MANBA: variants seen among roughly 807,000 people sequenced by gnomAD.
MANBA encodes mannosidase beta.
Under a neutral mutation model 111.1 loss-of-function variants are expected in MANBA, and 83 were observed. The observed-to-expected ratio is 0.75, with a 90% CI of 0.63 to 0.90. The LOEUF (loss-of-function observed/expected upper bound fraction) is 0.90, where lower values mean the gene tolerates loss of function less well. Ranked by LOEUF, MANBA falls within the 40% of genes least tolerant of loss-of-function variation. The probability of loss-of-function intolerance (pLI) is 0.00; values close to 1 mark genes in which losing one functional copy is unlikely to be tolerated. For synonymous variants in MANBA, 370 were observed against 378.7 expected, an observed-to-expected ratio of 0.98 and a Z score of 0.27; for missense variants, 1,036 against 1,069.0, an observed-to-expected ratio of 0.97 and a Z score of 0.43.
chr4:102,751,395 C>T, intron 1 of MANBA: 1 of 437,930 alleles, frequency 2.3e-6, no homozygotes, highest in South Asian at 1.7e-5. Flanking sequence ...GTGTGTACTC[C>T]TTGCCTTGGC....
At position 102,632,238 on chromosome 4, in the gene MANBA, T is replaced by C; in HGVS notation, c.2459A>G (p.Glu820Gly). 1 of 1,613,686 alleles carries C rather than the reference T, an allele frequency of 6.2e-7. No individual in the cohort carries two copies. Among genetic ancestry groups the C allele is most frequent in the Non-Finnish European group, 8.5e-7 (1 of 1,179,766 alleles). Residue 820 changes from glutamate (E) to glycine (G), a missense_variant, in exon 17 of 17, where the codon GAG becomes GGG. Transcript: ENST00000647097. ...AACAAAGGGAGCGACAGCTGAGGTCTCCAGGTCAAAAACAAATATGTCACC... is the reference window on the plus strand; with the variant it reads ...AACAAAGGGAGCGACAGCTGAGGTCCCCAGGTCAAAAACAAATATGTCACC... ...QQGDIFVFDL[E>G]TSAVAPFVWL...
chr4:102,682,741 G>A (rs1289048325), intron 7 of MANBA: 1 of 152,202 alleles, frequency 6.6e-6, no homozygotes, highest in African/African-American at 2.4e-5. Flanking sequence ...GGTGGAGACA[G>A]AGATCAGAGT....
At chr4:102,733,986 T>A (rs1461517618) in intron 1 of MANBA, among the ~76,000 whole-genome samples, 2 of 152,246 alleles carry the variant, frequency 1.3e-5, no homozygotes, top group Non-Finnish European at 2.9e-5. Context: ...GCACAGAGAA[T>A]GTTTATGGCA....
intron 12 of MANBA, among the ~76,000 whole-genome samples, chr4:102,653,795 T>C (rs1730442969): frequency 6.6e-6 from 1 of 152,190 alleles, no homozygotes; most frequent in African/African-American, 2.4e-5. Flanking sequence ...GAAATTATTA[T>C]AGATTTAAGG....
chr4:102,714,914 G>A (rs1387883659), intron 4 of MANBA, among the ~76,000 whole-genome samples: 1 of 152,152 alleles, frequency 6.6e-6, no homozygotes, highest in Admixed American at 6.5e-5. Flanking sequence ...CACACTAACT[G>A]CCTCATTTTA....
At chr4:102,639,361 T>A (rs1184061444) in intron 14 of MANBA, among the ~76,000 whole-genome samples, 1 of 152,210 alleles carries the variant, frequency 6.6e-6, no homozygotes, top group Admixed American at 6.5e-5. Context: ...GAAGGGATGC[T>A]TAAGTTCATG....
intron 1 of MANBA, among the ~76,000 whole-genome samples, chr4:102,737,578 G>A (rs1239880045): frequency 2.0e-5 from 3 of 152,098 alleles, no homozygotes; most frequent in Non-Finnish European, 4.4e-5. Context: ...CGCCTCCCGG[G>A]TTCACACCAT....
chr4:102,744,627 A>C (rs1365625861), intron 1 of MANBA, among the ~76,000 whole-genome samples: 3 of 152,226 alleles, frequency 2.0e-5, no homozygotes, highest in African/African-American at 7.2e-5. Flanking sequence ...TTGCTCAAGC[A>C]ATGAAACCAC....
chr4:102,734,627 C>T (rs893927512), intron 1 of MANBA: 39 of 1,574,486 alleles, frequency 2.5e-5, no homozygotes, highest in African/African-American at 8.1e-5. Context: ...AGAGGAGGCC[C>T]GAGGAGCCAG....
At chr4:102,741,657 G>A (rs1215181136) in intron 1 of MANBA, among the ~76,000 whole-genome samples, 1 of 152,214 alleles carries the variant, frequency 6.6e-6, no homozygotes, top group Middle Eastern at 3.2e-3. Context: ...ACTATTCTAA[G>A]TGAAGTAACT....
Position 102,671,360 on chromosome 4 carries a change from A to G in MANBA, c.1151T>C (p.Met384Thr). ...LLLQSVVDAN[M>T]NTLRVWGGGI... is the part of the protein sequence containing the mutation. ...TCCTCCCCAAACCCGAAGAGTATTC[A>G]TATTAGCATCCACAACAGACTGTAA... The change falls in exon 9 of 17, where the codon ATG becomes ACG. Residue 384 changes from methionine (M) to threonine (T), a missense_variant. Coordinates refer to ENST00000647097, the MANE Select transcript of MANBA (RefSeq NM_005908.4). 6.2e-7 allele frequency: 1 copy of G among 1,609,002 alleles called. No homozygotes were observed. The highest frequency in any genetic ancestry group is 8.5e-7 in the Non-Finnish European group (1 of 1,175,458).
rs774776210 is a variant in MANBA at position 102,690,627 on chromosome 4, C to T, written c.818G>A (p.Arg273Lys). 11 of 1,612,310 alleles carry T rather than the reference C, an allele frequency of 6.8e-6. No individual in the cohort carries two copies. The Admixed American group carries it at 1.5e-4, about 22-fold the overall frequency. The change falls in exon 6 of 17, where the codon AGG becomes AAG. Residue 273 changes from arginine (R) to lysine (K), a missense_variant. Arg to Lys is a conservative substitution (Grantham distance 26, BLOSUM62 2). Transcript: ENST00000647097. ...AATGTTCACAAATAGCTCAACAATC[C>T]TTTTCCCAGGTTGAAGTTCAATGCT... Reference protein sequence around the residue: ...TYSIELQPGKRIVELFVNISK... With the variant: ...TYSIELQPGKKIVELFVNISK...
intron 5 of MANBA, among the ~76,000 whole-genome samples, chr4:102,702,292 G>T (rs892762609): frequency 2.5e-4 from 38 of 151,736 alleles, no homozygotes; most frequent in Non-Finnish European, 4.4e-4. Context: ...TAACTTCTTT[G>T]CCTTTGGTTT....
chr4:102,723,118 T>C, intron 3 of MANBA, 77 bp from the exon 4 acceptor site: 1 of 1,311,850 alleles, frequency 7.6e-7, no homozygotes, highest in African/African-American at 1.5e-5. Flanking sequence ...TAAAGGCATT[T>C]TGTATGAAAG....
At chr4:102,754,818 G>A (rs953433012) in intron 1 of MANBA, among the ~76,000 whole-genome samples, 4 of 152,148 alleles carry the variant, frequency 2.6e-5, no homozygotes, top group Non-Finnish European at 5.9e-5. Flanking sequence ...GCCTCCCAAA[G>A]TGCTGGAATT....
At chr4:102,634,336 C>A (rs1009621796) in intron 16 of MANBA, among the ~76,000 whole-genome samples, 1 of 152,224 alleles carries the variant, frequency 6.6e-6, no homozygotes, top group Non-Finnish European at 1.5e-5. Flanking sequence ...GTCAGCTGGG[C>A]TCCAATGCTT....
intron 8 of MANBA, among the ~76,000 whole-genome samples, chr4:102,671,658 T>C (rs545330832): frequency 1.4e-4 from 22 of 152,354 alleles, no homozygotes; most frequent in African/African-American, 4.8e-4. Flanking sequence ...AAATTAAATT[T>C]ATGTTTTATA....
intron 8 of MANBA, 113 bp from the exon 9 acceptor site, chr4:102,671,511 G>C (rs1306878688): frequency 4.3e-6 from 3 of 704,096 alleles, no homozygotes; most frequent in East Asian, 5.5e-5. Context: ...ATGATGGTTT[G>C]GTTACAATGT....
intron 1 of MANBA, chr4:102,753,930 G>C (rs759531859): frequency 2.3e-6 from 1 of 440,112 alleles, no homozygotes; most frequent in South Asian, 1.6e-5. Flanking sequence ...CTTGAACCTG[G>C]GAGGCAGAGA....
Sources: gnomAD v4.1 joint callset for allele counts (sites outside exome capture counted in the v4.1 genomes callset) on GRCh38, gnomAD v4.1.1 for gene constraint, MANE v1.5 for transcripts, NCBI Gene and HGNC (gene_info 2026-07-23, HGNC 2026-07-21) for gene names.